Variants in PCDHA5 observed in about 807,000 individuals in gnomAD.
PCDHA5 encodes the protein protocadherin alpha 5, also known as protocadherin alpha-5.
A neutral mutation model predicts 61.6 loss-of-function variants in PCDHA5; 43 were observed. The ratio of observed to expected loss-of-function variants is 0.70; its 90% CI spans 0.55 to 0.90. The LOEUF is 0.90. Among genes scored for constraint, PCDHA5 ranks in the 40% least tolerant of loss-of-function variants. The pLI is 0.00. For missense variants in PCDHA5, 1,298 were observed against 1,222.7 expected, an observed-to-expected ratio of 1.06 and a Z score of -0.92; for synonymous variants, 627 against 543.9, an observed-to-expected ratio of 1.15 and a Z score of -2.13.
chr5:140,903,023 G>A (rs1554190732), intron 1 of PCDHA5, among the ~76,000 whole-genome samples: 1 of 152,126 alleles, frequency 6.6e-6, no homozygotes, highest in East Asian at 1.9e-4. Context: ...TATCAACATG[G>A]CTTGCACATG....
chr5:140,959,876 G>A (rs1335764869), intron 1 of PCDHA5, among the ~76,000 whole-genome samples: 1 of 152,134 alleles, frequency 6.6e-6, no homozygotes. Context: ...ATCTGTCAAG[G>A]AATACACGAG....
chr5:140,985,430 A>T lies in PCDHA5; in HGVS notation c.2500+2867A>T, dbSNP rs1158797076. ...GGAAATGGAGTGAGGAGGATTTATT[A>T]GTTGCTGCCTGAAGAAAAGGGAAAT... On this transcript the variant is annotated intron_variant, in intron 3 of 3. Transcript: ENST00000529859. Among the ~76,000 whole-genome samples the T allele has an allele frequency of 2.6e-5, 4 of 152,186 alleles. 1 individual carries two copies. Among genetic ancestry groups the T allele is most frequent in the Non-Finnish European group, 5.9e-5 (4 of 68,036 alleles).
At chr5:140,882,452 C>A (rs782448323) in intron 1 of PCDHA5, 1 of 1,614,042 alleles carries the variant, frequency 6.2e-7, no homozygotes, top group East Asian at 2.2e-5. Context: ...GCTGGTGCCG[C>A]GCCTGTTCCG....
At position 140,851,269 on chromosome 5, in the gene PCDHA5, T is replaced by C. The variant is rs1035284960; in HGVS notation, c.2352+27142T>C. ...GATGCATAGTATTTTAGTCTACTTG[T>C]ATTGTTTATAAGAAACCCAAGCAAA... is the stretch of plus-strand genomic sequence containing the variant. On this transcript the variant is annotated intron_variant, in intron 1 of 3. Transcript: ENST00000529859. 2.6e-5 allele frequency: 28 copies of C among 1,066,570 alleles called. No homozygotes were observed. In the South Asian group the frequency reaches 9.7e-4, roughly 37 times the overall value. The allele number at this position is 1,066,570 out of a possible 1,614,324, so 66.1% of individuals were successfully genotyped here. A position where few individuals can be genotyped will look rare whatever the true frequency, so the allele number is the denominator to read the frequency against.
intron 1 of PCDHA5, chr5:140,855,800 A>C: frequency 2.1e-6 from 1 of 475,828 alleles, no homozygotes; most frequent in Non-Finnish European, 3.7e-6. Context: ...TAACATATGA[A>C]TGAAAGAAAA....
chr5:140,978,911 T>C, intron 1 of PCDHA5, 38 bp from the exon 2 acceptor site: 1 of 1,613,856 alleles, frequency 6.2e-7, no homozygotes, highest in Non-Finnish European at 8.5e-7. Context: ...AACATTGTCT[T>C]GTCATTTTAA....
chr5:140,826,455 A>G (rs1768943541), intron 1 of PCDHA5, among the ~76,000 whole-genome samples: 1 of 152,202 alleles, frequency 6.6e-6, no homozygotes, highest in African/African-American at 2.4e-5. Context: ...TTTGTGTCAC[A>G]ATCATCTGTG....
At chr5:140,875,367 T>A (rs937879067) in intron 1 of PCDHA5, 1 of 1,449,166 alleles carries the variant, frequency 6.9e-7, no homozygotes, top group Non-Finnish European at 9.1e-7. Context: ...CTGGAAAAAA[T>A]TTACTAAATA....
intron 3 of PCDHA5, among the ~76,000 whole-genome samples, chr5:140,982,795 A>G (rs1011948194): frequency 3.3e-5 from 5 of 151,516 alleles, no homozygotes; most frequent in African/African-American, 1.2e-4. Context: ...GCATGTGTGC[A>G]TGTGTGTGTG....
At chr5:141,009,167 G>A (rs2098401919) in intron 3 of PCDHA5, among the ~76,000 whole-genome samples, 1 of 152,180 alleles carries the variant, frequency 6.6e-6, no homozygotes, top group African/African-American at 2.4e-5. Flanking sequence ...TGTAAATACT[G>A]GCCTTGGCTG....
rs782731784 is a variant in PCDHA5, at chr5:140,857,723, G to A, written c.2352+33596G>A. 2.5e-6 allele frequency: 4 copies of A among 1,597,400 alleles called. No individual in the cohort carries two copies. Among genetic ancestry groups the A allele is most frequent in the Admixed American group, 1.7e-5 (1 of 59,286 alleles). On this transcript the variant is annotated intron_variant, in intron 1 of 3. Transcript: ENST00000529859. ...GCAGGTGTTCGTGCTGGACGAGAAC[G>A]ACAACGCTCCCGCGCTGCTGGCGTC...
chr5:140,856,566 C>A, intron 1 of PCDHA5: 2 of 1,597,240 alleles, frequency 1.3e-6, no homozygotes, highest in Non-Finnish European at 1.7e-6. Flanking sequence ...AAACTCAGTC[C>A]AAATGAGTAT....
At chr5:140,885,543 G>A (rs1554182177) in intron 1 of PCDHA5, among the ~76,000 whole-genome samples, 2 of 152,092 alleles carry the variant, frequency 1.3e-5, no homozygotes, top group Non-Finnish European at 2.9e-5. Flanking sequence ...CAAAATATTG[G>A]TGTTATTTCT....
chr5:140,858,834 A>T, intron 1 of PCDHA5: 1 of 322,932 alleles, frequency 3.1e-6, no homozygotes, highest in Non-Finnish European at 5.8e-6. Context: ...CATTACCAAA[A>T]AATTCCACTG....
rs2150128573 is a variant in PCDHA5, at chr5:140,823,733, A to G, written c.1958A>G (p.His653Arg). ...CGCCTTCTGGTGCTGGTGAAGGACC[A>G]TGGAGAGCCCCCGCTGACAGCCACA... ...RHRLLVLVKD[H>R]GEPPLTATAT... is the part of the protein sequence containing the mutation. Residue 653 changes from histidine (H) to arginine (R), a missense_variant, in exon 1 of 4, where the codon CAT becomes CGT. Physicochemically the swap from His to Arg is conservative, Grantham distance 29 (BLOSUM62 0). Coordinates refer to ENST00000529859, the MANE Select transcript of PCDHA5 (RefSeq NM_018908.3). 1.9e-6 allele frequency: 3 copies of G among 1,613,866 alleles called. No individual in the cohort carries two copies. Among genetic ancestry groups the G allele is most frequent in the Non-Finnish European group, 1.7e-6 (2 of 1,179,918 alleles).
chr5:140,858,263 T>C lies in PCDHA5; in HGVS notation c.2352+34136T>C, dbSNP rs781901851. ...TGGGCCGGTGAAGCCCACGCTGGTGTGCTCTAGCGCGGTGGGGAGCTGGTC... is the reference window on the plus strand; with the variant it reads ...TGGGCCGGTGAAGCCCACGCTGGTGCGCTCTAGCGCGGTGGGGAGCTGGTC... On this transcript the variant is annotated intron_variant, in intron 1 of 3. Transcript: ENST00000529859. 2.5e-6 allele frequency: 4 copies of C among 1,596,360 alleles called. No homozygotes were observed. The African/African-American group carries it at 4.0e-5, about 16-fold the overall frequency.
chr5:140,958,672 A>G (rs1554223601), intron 1 of PCDHA5, among the ~76,000 whole-genome samples: 1 of 152,218 alleles, frequency 6.6e-6, no homozygotes, highest in African/African-American at 2.4e-5. Context: ...AATTTTAATT[A>G]TAAAGGATAT....
intron 1 of PCDHA5, chr5:140,929,119 G>T (rs2085835460): frequency 1.2e-6 from 2 of 1,614,192 alleles, no homozygotes; most frequent in Non-Finnish European, 1.7e-6. Context: ...AGCCACCATA[G>T]ATGTCACTAC....
intron 1 of PCDHA5, among the ~76,000 whole-genome samples, chr5:140,879,217 G>A (rs1163771659): frequency 6.6e-6 from 1 of 152,164 alleles, no homozygotes; most frequent in African/African-American, 2.4e-5. Context: ...GAAATGAATT[G>A]AAAAAGACAT....
Sources: allele counts gnomAD v4.1 joint callset (sites outside exome capture counted in the v4.1 genomes callset), GRCh38; gene constraint gnomAD v4.1.1; transcripts MANE v1.5; gene names NCBI Gene and HGNC (gene_info 2026-07-23, HGNC 2026-07-21).